Variants in MTCL1 observed in about 807,000 individuals in gnomAD.
MTCL1 encodes microtubule crosslinking factor 1.
MTCL1 carries 79 observed loss-of-function variants against 141.4 expected under a neutral mutation model. That is an observed-to-expected ratio of 0.56 (90% CI 0.47 to 0.67). The LOEUF is 0.67. MTCL1 is among the 30% of genes least tolerant of loss of function. The probability of loss-of-function intolerance (pLI) is 0.00; values close to 1 mark genes in which losing one functional copy is unlikely to be tolerated. For missense variants in MTCL1, 2,177 were observed against 2,113.9 expected (o/e 1.03, Z -0.59); for synonymous variants, 914 against 875.8 (o/e 1.04, Z -0.77).
upstream of MTCL1, among the ~76,000 whole-genome samples, chr18:8,714,346 A>C (rs1438584337): frequency 6.6e-6 from 1 of 152,220 alleles, no homozygotes; most frequent in Non-Finnish European, 1.5e-5. Flanking sequence ...GGTGCTTAAT[A>C]AACGACGCCT....
At chr18:8,731,406 T>G (rs1316088823) in intron 4 of MTCL1, among the ~76,000 whole-genome samples, 1 of 151,970 alleles carries the variant, frequency 6.6e-6, no homozygotes, top group Non-Finnish European at 1.5e-5. Context: ...AAACCCCGTC[T>G]GTACTAAAAA....
intron 4 of MTCL1, among the ~76,000 whole-genome samples, chr18:8,727,624 G>C (rs899252580): frequency 6.6e-6 from 1 of 152,060 alleles, no homozygotes. Context: ...CCTTTGCATG[G>C]CCTGGGATAG....
At chr18:8,805,337 A>G (rs1031526106) in intron 10 of MTCL1, among the ~76,000 whole-genome samples, 27 of 152,142 alleles carry the variant, frequency 1.8e-4, no homozygotes, top group African/African-American at 5.6e-4. Context: ...TGGCTCCCAC[A>G]TATAAGTGAG....
chr18:8,736,725 C>T (rs930989326), intron 4 of MTCL1, among the ~76,000 whole-genome samples: 1 of 150,432 alleles, frequency 6.6e-6, no homozygotes, highest in Non-Finnish European at 1.5e-5. Flanking sequence ...GCAAGCTCTG[C>T]CTCCCGGGTT....
At chr18:8,784,304 G>A (rs772537212) in exon 6 of MTCL1, 2 of 1,572,550 alleles carry the variant, frequency 1.3e-6, no homozygotes, top group Non-Finnish European at 1.7e-6. Context: ...GGAGAGTGAT[G>A]GGGAGGAGAG....
intron 10 of MTCL1, chr18:8,800,563 A>G (rs1205458928): frequency 1.3e-5 from 2 of 152,268 alleles, no homozygotes; most frequent in Non-Finnish European, 2.9e-5. Context: ...GCTCGCAGTC[A>G]TGACCTGGGC....
intron 5 of MTCL1, among the ~76,000 whole-genome samples, chr18:8,778,629 A>G (rs1027955185): frequency 2.0e-5 from 3 of 152,228 alleles, no homozygotes; most frequent in African/African-American, 7.2e-5. Flanking sequence ...CCATTCTCCA[A>G]ACTCACTGAT....
intron 4 of MTCL1, among the ~76,000 whole-genome samples, chr18:8,725,648 T>C (rs964692686): frequency 2.0e-5 from 3 of 152,312 alleles, no homozygotes; most frequent in Admixed American, 1.3e-4. Flanking sequence ...AAAAATGTAT[T>C]GACTCATTTG....
chr18:8,715,589 A>G (rs990102985), upstream of MTCL1, among the ~76,000 whole-genome samples: 3 of 149,642 alleles, frequency 2.0e-5, no homozygotes, highest in Non-Finnish European at 4.4e-5. Flanking sequence ...CAGTGAAACA[A>G]TTAACCTCTT....
chr18:8,706,920 C>A, intron 1 of MTCL1: 1 of 735,386 alleles, frequency 1.4e-6, no homozygotes, highest in Non-Finnish European at 2.1e-6. Flanking sequence ...CGCCAGTTCG[C>A]AACCCACTTC....
intron 4 of MTCL1, among the ~76,000 whole-genome samples, chr18:8,738,792 A>T (rs533975648): frequency 6.6e-6 from 1 of 152,360 alleles, no homozygotes; most frequent in East Asian, 1.9e-4. Context: ...CATCTATGAC[A>T]TCTGAAAACT....
upstream of MTCL1, among the ~76,000 whole-genome samples, chr18:8,714,823 G>A (rs2096116965): frequency 6.6e-6 from 1 of 151,610 alleles, no homozygotes; most frequent in Admixed American, 6.6e-5. Flanking sequence ...TTGAGGTGGA[G>A]TCTCACTCCA....
chr18:8,784,324 C>G, exon 6 of MTCL1: 3 of 1,557,272 alleles, frequency 1.9e-6, no homozygotes, highest in Non-Finnish European at 2.6e-6. Context: ...GCCGCCTGCC[C>G]CAGCCCAAGC....
chr18:8,756,828 A>T (rs2096404325), intron 4 of MTCL1, among the ~76,000 whole-genome samples: 1 of 152,126 alleles, frequency 6.6e-6, no homozygotes, highest in South Asian at 2.1e-4. Flanking sequence ...CAAGGAATAT[A>T]TTTAGTGGGC....
intron 4 of MTCL1, among the ~76,000 whole-genome samples, chr18:8,774,141 TG>T (rs752987050): frequency 6.6e-6 from 1 of 152,222 alleles, no homozygotes; most frequent in Non-Finnish European, 1.5e-5. Context: ...AAACAGGCTG[TG>T]GGTTGATTTG....
rs368408823 is a variant in MTCL1, at chr18:8,730,386, A to G, written c.357+9890A>G. On this transcript the variant is annotated intron_variant, in intron 4 of 16. Coordinates refer to ENST00000359865, the Ensembl canonical transcript of MTCL1. The stretch of plus-strand genomic sequence containing the variant: ...CATGGGTGAAGGTTTTATCATCTTT[A>G]TTTTTCCCTTGAGAAAGAGCCAAAA... 3.1e-4 allele frequency among the ~76,000 whole-genome samples: 47 copies of G among 151,932 alleles called. No homozygotes were observed. The East Asian group carries it at 5.2e-3, about 17-fold the overall frequency.
rs540771363 is a variant in MTCL1 at position 8,822,948 on chromosome 18, C to T, written c.3188+1450C>T. Among the ~76,000 whole-genome samples, 7 of 151,630 alleles carry T rather than the reference C, an allele frequency of 4.6e-5. No individual in the cohort carries two copies. The highest frequency in any genetic ancestry group is 1.9e-4 in the East Asian group (1 of 5,152). On this transcript the variant is annotated intron_variant, in intron 14 of 16. Coordinates refer to ENST00000359865, the Ensembl canonical transcript of MTCL1. This position sits in a 1 kb window ranked among gnomAD's most constrained non-coding sequence, Gnocchi z 4.6. The stretch of plus-strand genomic sequence containing the variant: ...CTGAGGCAGGAAAATTGACCGAACC[C>T]GGGAGGCGGAGGTTGCAGTGAACCG...
At chr18:8,723,458 A>G (rs2096186545) in intron 4 of MTCL1, among the ~76,000 whole-genome samples, 1 of 152,140 alleles carries the variant, frequency 6.6e-6, no homozygotes, top group African/African-American at 2.4e-5. Flanking sequence ...AGGACAGTTC[A>G]TGTGTTGTGT....
chr18:8,736,005 A>G (rs2096273042), intron 4 of MTCL1, among the ~76,000 whole-genome samples: 1 of 152,198 alleles, frequency 6.6e-6, no homozygotes, highest in South Asian at 2.1e-4. Context: ...CTACTATCAT[A>G]TATTAAGGCT....
Sources: gnomAD v4.1 joint callset for allele counts (sites outside exome capture counted in the v4.1 genomes callset) on GRCh38, gnomAD v4.1.1 for gene constraint, Gnocchi (gnomAD v3.1) non-coding constraint, MANE v1.5 for transcripts, NCBI Gene and HGNC (gene_info 2026-07-23, HGNC 2026-07-21) for gene names.